The following ARFGEF1 variants were observed in gnomAD, a reference collection of about 807,000 sequenced individuals.
ARFGEF1 encodes the protein brefeldin A-inhibited guanine nucleotide-exchange protein 1.
ARFGEF1 carries 42 observed loss-of-function variants against 231.0 expected under a neutral mutation model. That is an observed-to-expected ratio of 0.18 (90% confidence interval 0.14 to 0.24). ARFGEF1 has a LOEUF of 0.24. Ranked by LOEUF, ARFGEF1 falls within the 10% of genes least tolerant of loss-of-function variation. The pLI is 1.00. For synonymous variants in ARFGEF1, 710 were observed against 732.3 expected, an observed-to-expected ratio of 0.97 and a Z score of 0.49; for missense variants, 1,345 against 2,192.0, an observed-to-expected ratio of 0.61 and a Z score of 7.72.
chr8:67,273,477 C>T (rs1422865718), intron 9 of ARFGEF1, among the ~76,000 whole-genome samples: 4 of 137,502 alleles, frequency 2.9e-5, no homozygotes, highest in African/African-American at 5.4e-5. Context: ...GTCACATTTA[C>T]ACTATATAGT....
chr8:67,308,048 T>A (rs1383456970), intron 1 of ARFGEF1, among the ~76,000 whole-genome samples: 1 of 152,110 alleles, frequency 6.6e-6, no homozygotes, highest in Non-Finnish European at 1.5e-5. Flanking sequence ...CCGTCACCAG[T>A]CCCAGCTGAG....
intron 6 of ARFGEF1, 152 bp downstream of exon 6, chr8:67,291,695 T>C: frequency 1.0e-6 from 1 of 987,986 alleles, no homozygotes; most frequent in Non-Finnish European, 1.5e-6. Context: ...AAATTAATTT[T>C]ACCACCTACA....
intron 14 of ARFGEF1, among the ~76,000 whole-genome samples, chr8:67,260,495 T>C (rs1320838691): frequency 1.3e-5 from 2 of 152,170 alleles, no homozygotes; most frequent in African/African-American, 2.4e-5. Context: ...TCAGTGACCT[T>C]TGATGTTGCT....
At chr8:67,267,554 G>A in intron 10 of ARFGEF1, 112 bp from the exon 11 acceptor site, 1 of 644,654 alleles carries the variant, frequency 1.6e-6, no homozygotes, top group Non-Finnish European at 2.7e-6. Flanking sequence ...GGCTCTTATG[G>A]AGTTCAACTC....
At chr8:67,234,395 C>T (rs763556606) in intron 22 of ARFGEF1, among the ~76,000 whole-genome samples, 3 of 152,038 alleles carry the variant, frequency 2.0e-5, no homozygotes, top group Non-Finnish European at 4.4e-5. Flanking sequence ...AGGGTGTTAG[C>T]TCATAGAAAG....
intron 5 of ARFGEF1, among the ~76,000 whole-genome samples, chr8:67,182,947 T>G (rs1833423782): frequency 6.6e-6 from 1 of 152,350 alleles, no homozygotes; most frequent in Non-Finnish European, 1.5e-5. Flanking sequence ...CTGTGTTGAT[T>G]GTGTCCTTTG....
intron 5 of ARFGEF1, among the ~76,000 whole-genome samples, chr8:67,176,565 T>A (rs1411681612): frequency 1.3e-5 from 2 of 152,198 alleles, no homozygotes; most frequent in Non-Finnish European, 2.9e-5. Context: ...GAGAAGCAAG[T>A]GCATTCTTCA....
intron 7 of ARFGEF1, among the ~76,000 whole-genome samples, chr8:67,286,072 A>G (rs1375197756): frequency 2.0e-5 from 3 of 152,216 alleles, no homozygotes; most frequent in African/African-American, 7.2e-5. Flanking sequence ...AAATCGTGTT[A>G]ATTTCCCTAG....
At chr8:67,222,751 A>C (rs893624890) in intron 29 of ARFGEF1, among the ~76,000 whole-genome samples, 1 of 151,724 alleles carries the variant, frequency 6.6e-6, no homozygotes, top group Non-Finnish European at 1.5e-5. Flanking sequence ...TGCCTGGCCA[A>C]ATTTTTGTAT....
At chr8:67,208,667 C>T (rs1838612652) in intron 34 of ARFGEF1, among the ~76,000 whole-genome samples, 3 of 147,952 alleles carry the variant, frequency 2.0e-5, no homozygotes, top group Admixed American at 2.0e-4. Flanking sequence ...AAAAACACTT[C>T]ATAGAAGACA....
intron 13 of ARFGEF1, among the ~76,000 whole-genome samples, chr8:67,266,674 A>G (rs1804867231): frequency 6.6e-6 from 1 of 152,198 alleles, no homozygotes; most frequent in South Asian, 2.1e-4. Context: ...TATTTCTAAG[A>G]AGATTTAGAA....
chr8:67,337,062 G>A (rs1808377037), intron 1 of ARFGEF1, among the ~76,000 whole-genome samples: 1 of 148,580 alleles, frequency 6.7e-6, no homozygotes, highest in Non-Finnish European at 1.5e-5. Context: ...TCGGGAGGCG[G>A]AGCTTGCAGT....
Position 67,251,923 on chromosome 8 carries a change from T to A in ARFGEF1, c.2699-473A>T, listed in dbSNP as rs182343934. Among the ~76,000 whole-genome samples the A allele has an allele frequency of 7.8e-3, 1,183 of 152,082 alleles. 7 individuals are homozygous for A. The highest frequency in any genetic ancestry group is 0.014 in the Middle Eastern group (4 of 294). On this transcript the variant is annotated intron_variant, in intron 18 of 38. Transcript: ENST00000262215. ...AGGTACCACTTTCAGAATACAATTA[T>A]CAGGGAAACAACCCAAATATGGAAT...
rs183424593 is a variant in ARFGEF1 at position 67,231,491 on chromosome 8, G to A, written c.3380+1364C>T. ...GTAACATGTCCCTCTGTAACAAACA[G>A]TGGATAGGAAGATAAATTAGAACTG... On this transcript the variant is annotated intron_variant, in intron 23 of 38. Coordinates refer to ENST00000262215, the MANE Select transcript of ARFGEF1 (RefSeq NM_006421.5). 2.0e-5 allele frequency among the ~76,000 whole-genome samples: 3 copies of A among 152,158 alleles called. No homozygotes were observed. The East Asian group carries it at 5.8e-4, about 29-fold the overall frequency.
At chr8:67,226,281 AGGT>A (rs1839368685) in intron 27 of ARFGEF1, 98 bp from the exon 28 acceptor site, 5 of 1,091,512 alleles carry the variant, frequency 4.6e-6, no homozygotes, top group Non-Finnish European at 6.3e-6. Flanking sequence ...TTCCTCTTAA[AGGT>A]TGTTACAGGT....
intron 22 of ARFGEF1, among the ~76,000 whole-genome samples, chr8:67,236,365 A>AAAAAAAT (rs1554638966): frequency 1.0e-4 from 3 of 29,066 alleles, no homozygotes; most frequent in Non-Finnish European, 1.8e-4. Context: ...AAAAAAAAAA[A>AAAAAAAT]ATATATATAT....
chr8:67,280,018 T>A (rs1002060263), intron 7 of ARFGEF1, among the ~76,000 whole-genome samples: 4 of 152,212 alleles, frequency 2.6e-5, no homozygotes, highest in Non-Finnish European at 5.9e-5. Context: ...AGAGATGTAC[T>A]TTTAATGATG....
intron 7 of ARFGEF1, among the ~76,000 whole-genome samples, chr8:67,285,206 G>A (rs1345507597): frequency 1.3e-5 from 2 of 151,992 alleles, no homozygotes; most frequent in African/African-American, 4.8e-5. Flanking sequence ...GTAAGGCAAG[G>A]ATCATCAATG....
rs886141882 is a variant in ARFGEF1 at position 67,267,176 on chromosome 8, G to A, written c.1727C>T (p.Ala576Val). Residue 576 changes from alanine to valine, a missense_variant, in exon 12 of 39, where the codon GCC becomes GTC. Ala to Val is a moderately conservative substitution (Grantham distance 64). Transcript: ENST00000262215. ...YVNYDCDLNA[A>V]NIFERLVNDL... Reference sequence around the variant, plus strand: ...ATTTACTAGTCTTTCAAATATATTGGCTGCATTTAAGTCACAGTCATAGTT... The same window carrying A: ...ATTTACTAGTCTTTCAAATATATTGACTGCATTTAAGTCACAGTCATAGTT... The A allele has an allele frequency of 2.5e-6, 4 of 1,612,912 alleles. No individual in the cohort carries two copies. The African/African-American group carries it at 5.3e-5, about 22-fold the overall frequency.
Sources: allele counts gnomAD v4.1 joint callset (sites outside exome capture counted in the v4.1 genomes callset), GRCh38; gene constraint gnomAD v4.1.1; transcripts MANE v1.5; gene names NCBI Gene and HGNC (gene_info 2026-07-23, HGNC 2026-07-21).